The following TRIM77 variants were observed in gnomAD, a reference collection of about 807,000 sequenced individuals.
TRIM77 encodes the protein tripartite motif-containing protein 77.
Under a neutral mutation model 31.8 loss-of-function variants are expected in TRIM77, and 23 were observed. The ratio of observed to expected loss-of-function variants is 0.72; its 90% CI spans 0.52 to 1.02. The LOEUF is 1.02. Ranked by LOEUF, TRIM77 falls within the 50% of genes least tolerant of loss-of-function variation. TRIM77 has a pLI of 0.00. For synonymous variants in TRIM77, 159 were observed against 183.1 expected, an observed-to-expected ratio of 0.87 and a Z score of 1.06; for missense variants, 446 against 539.2, an observed-to-expected ratio of 0.83 and a Z score of 1.71.
At chr11:89,716,429 C>G (rs1949161470) in intron 5 of TRIM77, among the ~76,000 whole-genome samples, 1 of 152,022 alleles carries the variant, frequency 6.6e-6, no homozygotes, top group Admixed American at 6.6e-5. Context: ...TTTGAAAAAC[C>G]ACAGGATTCT....
At chr11:89,716,862 G>A (rs10765236) in intron 5 of TRIM77, among the ~76,000 whole-genome samples, 46,840 of 151,568 alleles carry the variant, frequency 0.31, 7,636 homozygotes, top group Middle Eastern at 0.4. Flanking sequence ...TTTATTTTGC[G>A]AAAATTGGTT....
Position 89,717,363 on chromosome 11 carries a change from T to C in TRIM77, c.860-16T>C. ...TTAAACTGTTTTTTTGCATTCACTG[T>C]TTTCTTTTGCCATAGTGTATATCAC... On this transcript the variant is annotated splice_polypyrimidine_tract_variant and intron_variant, in intron 5 of 5. Transcript: ENST00000398290. The C allele has an allele frequency of 1.3e-6, 2 of 1,516,114 alleles. No individual in the cohort carries two copies. Among genetic ancestry groups the C allele is most frequent in the South Asian group, 2.5e-5 (2 of 78,686 alleles). The allele number at this position is 1,516,114 out of a possible 1,614,324, so 93.9% of individuals were successfully genotyped here.
rs1429622960 is a variant in TRIM77 at position 89,717,547 on chromosome 11, G to A, written c.1028G>A (p.Trp343Ter). The A allele has an allele frequency of 1.7e-5, 26 of 1,551,398 alleles. No homozygotes were observed. Among genetic ancestry groups the A allele is most frequent in the Non-Finnish European group, 2.3e-5 (26 of 1,146,900 alleles). ...ATCCTCAGCTCTGGCAAACATTACT[G>A]GGAGGTGGATGTGAAAGACTCTTGT... ...AQILSSGKHYWEVDVKDSCNW... is the reference protein window; with the variant it reads ...AQILSSGKHY Residue 343 changes from tryptophan (W) to a stop codon, truncating the protein, a stop_gained, in exon 6 of 6, where the codon TGG becomes TAG. Coordinates refer to ENST00000398290, the MANE Select transcript of TRIM77 (RefSeq NM_001146162.1). LOFTEE classifies it low-confidence loss of function (END_TRUNC).
chr11:89,717,651 C>T lies in TRIM77; in HGVS notation c.1132C>T (p.Leu378Phe), dbSNP rs1949171812. 1 of 1,551,160 alleles carries T rather than the reference C, an allele frequency of 6.4e-7. No individual in the cohort carries two copies. The highest frequency in any genetic ancestry group is 1.4e-5 in the African/African-American group (1 of 72,994). ...ACTTGACTCTGAGGGTATCTTTCTACTCCTGTGTCTCAAAGTGGATGACCA... is the reference window on the plus strand; with the variant it reads ...ACTTGACTCTGAGGGTATCTTTCTATTCCTGTGTCTCAAAGTGGATGACCA... ...MRLDSEGIFL[L>F]LCLKVDDHFS... The change falls in exon 6 of 6, where the codon CTC (leucine) becomes TTC (phenylalanine). Residue 378 changes from leucine (L) to phenylalanine (F), a missense_variant. Physicochemically the swap from Leu to Phe is conservative, Grantham distance 22. This residue lies in a region of TRIM77 where 366 missense variants were observed against 447.9 expected (regional missense o/e 0.82). Transcript: ENST00000398290.
intron 1 of TRIM77, 69 bp from the exon 2 acceptor site, chr11:89,711,341 C>A (rs1949120746): frequency 2.6e-6 from 2 of 780,650 alleles, no homozygotes; most frequent in Middle Eastern, 2.7e-4. Flanking sequence ...GTCTGTACCT[C>A]TTTTGGTAGT....
chr11:89,714,792 C>G (rs1456605095), intron 3 of TRIM77, among the ~76,000 whole-genome samples: 1 of 152,162 alleles, frequency 6.6e-6, no homozygotes, highest in African/African-American at 2.4e-5. Flanking sequence ...AATTTATTTA[C>G]TCTTTTAGTT....
chr11:89,715,850 T>C, intron 4 of TRIM77, 40 bp from the exon 5 acceptor site: 1 of 1,375,542 alleles, frequency 7.3e-7, no homozygotes, highest in Non-Finnish European at 1.0e-6. Flanking sequence ...TAATGATTCC[T>C]TTGGGACTGG....
chr11:89,715,889 G>A lies in TRIM77; in HGVS notation c.762-1G>A, dbSNP rs1206225901. 6.6e-7 allele frequency: 1 copy of A among 1,525,018 alleles called. No individual in the cohort carries two copies. Among genetic ancestry groups the A allele is most frequent in the Non-Finnish European group, 8.9e-7 (1 of 1,127,346 alleles). The allele number at this position is 1,525,018 out of a possible 1,614,324, so 94.5% of individuals were successfully genotyped here. On this transcript the variant is annotated splice_acceptor_variant, in intron 4 of 5. Coordinates refer to ENST00000398290, the MANE Select transcript of TRIM77 (RefSeq NM_001146162.1). LOFTEE classifies it high-confidence loss of function. ...TTAAAAGTAGGTATTTTTCTTTGCA[G>A]GAATGAGTTTCTGAGGCTGGCCATG...
intron 5 of TRIM77, among the ~76,000 whole-genome samples, chr11:89,717,112 G>A (rs1223955361): frequency 7.2e-5 from 11 of 152,114 alleles, no homozygotes; most frequent in African/African-American, 2.7e-4. Flanking sequence ...TATGCCACTC[G>A]TGATAGAGTG....
intron 3 of TRIM77, 61 bp downstream of exon 3, chr11:89,714,483 G>C: frequency 8.9e-7 from 1 of 1,120,574 alleles, no homozygotes; most frequent in Non-Finnish European, 1.3e-6. Flanking sequence ...GTATCTGCTA[G>C]AGTCTATATC....
intron 4 of TRIM77, among the ~76,000 whole-genome samples, 182 bp from the exon 5 acceptor site, chr11:89,715,708 A>C (rs2134547277): frequency 6.6e-6 from 1 of 152,356 alleles, no homozygotes; most frequent in African/African-American, 2.4e-5. Context: ...TTACTGTCAT[A>C]GAGGTATTAA....
In TRIM77 at chr11:89,717,644, C is replaced by T. The variant is rs539357052; in HGVS notation, c.1125C>T (p.Ile375=). ...ACATGCGACTTGACTCTGAGGGTAT[C>T]TTTCTACTCCTGTGTCTCAAAGTGG... ...RNDMRLDSEG[I]FLLLCLKVDD... The change falls in exon 6 of 6, where the codon ATC becomes ATT. Residue 375 remains isoleucine (I), a synonymous_variant. Coordinates refer to ENST00000398290, the MANE Select transcript of TRIM77 (RefSeq NM_001146162.1). The T allele has an allele frequency of 1.3e-6, 2 of 1,551,314 alleles. No individual in the cohort carries two copies. Among genetic ancestry groups the T allele is most frequent in the Admixed American group, 3.9e-5 (2 of 50,978 alleles).
At chr11:89,712,403 A>G (rs1002363746) in intron 2 of TRIM77, among the ~76,000 whole-genome samples, 6 of 152,188 alleles carry the variant, frequency 3.9e-5, no homozygotes, top group South Asian at 2.1e-4. Flanking sequence ...TTACCCTAGG[A>G]GTCTATAATC....
At chr11:89,716,014 T>C in intron 5 of TRIM77, 27 bp downstream of exon 5, 3 of 1,405,720 alleles carry the variant, frequency 2.1e-6, no homozygotes, top group Non-Finnish European at 2.9e-6. Flanking sequence ...CACTAATGTT[T>C]CCAACGTAAG....
intron 5 of TRIM77, among the ~76,000 whole-genome samples, chr11:89,716,478 C>T (rs1949161690): frequency 6.6e-6 from 1 of 152,132 alleles, no homozygotes; most frequent in African/African-American, 2.4e-5. Context: ...ATAGGTACAA[C>T]CACAAAGCAG....
chr11:89,710,319 G>C lies in TRIM77; in HGVS notation c.21G>C (p.Gln7His). 6.5e-7 allele frequency: 1 copy of C among 1,532,368 alleles called. No individual in the cohort carries two copies. Among genetic ancestry groups the C allele is most frequent in the Non-Finnish European group, 8.8e-7 (1 of 1,130,950 alleles). 94.9% of individuals were successfully genotyped at this position (1,532,368 alleles called of 1,614,324 possible). A position where few individuals can be genotyped will look rare whatever the true frequency, so the allele number is the denominator to read the frequency against. Residue 7 changes from glutamine (Q) to histidine (H), a missense_variant, in exon 1 of 6, where the codon CAG becomes CAC. Transcript: ENST00000398290. The stretch of plus-strand genomic sequence containing the variant: ...GAAACATGGCTTCTGCTATCACGCA[G>C]TGTTCTACCAGTGAGCTCACCTGCT... Reference protein sequence around the residue: MASAITQCSTSELTCSI... With the variant: MASAITHCSTSELTCSI...
intron 2 of TRIM77, among the ~76,000 whole-genome samples, chr11:89,712,997 G>T (rs575370936): frequency 3.9e-5 from 6 of 152,206 alleles, no homozygotes; most frequent in Non-Finnish European, 7.4e-5. Flanking sequence ...ATTGAGGTCC[G>T]GCGCGATGGC....
At position 89,717,478 on chromosome 11, in the gene TRIM77, G is replaced by A. The variant is rs752457090; in HGVS notation, c.959G>A (p.Cys320Tyr). 1.3e-6 allele frequency: 2 copies of A among 1,551,540 alleles called. No homozygotes were observed. Among genetic ancestry groups the A allele is most frequent in the Non-Finnish European group, 1.7e-6 (2 of 1,146,914 alleles). ...AGCCTTGATGATACAGACATGTCCT[G>A]TAATCCAACAAGTACACAGTATACT... The part of the protein sequence containing the change: ...QCSLDDTDMS[C>Y]NPTSTQYTSS... Residue 320 changes from cysteine to tyrosine, a missense_variant, in exon 6 of 6, where the codon TGT (cysteine) becomes TAT (tyrosine). Physicochemically the swap from Cys to Tyr is radical, Grantham distance 194. This residue lies in a region of TRIM77 where 366 missense variants were observed against 447.9 expected (regional missense o/e 0.82). Transcript: ENST00000398290.
chr11:89,713,783 A>G (rs1591484846), intron 2 of TRIM77, among the ~76,000 whole-genome samples: 1 of 152,248 alleles, frequency 6.6e-6, no homozygotes, highest in South Asian at 2.1e-4. Flanking sequence ...GTGTTTTGGA[A>G]ATGGAAGTAA....
Sources: allele counts gnomAD v4.1 joint callset (sites outside exome capture counted in the v4.1 genomes callset), GRCh38; gene constraint gnomAD v4.1.1; regional missense constraint gnomAD v4.1.1; transcripts MANE v1.5; gene names NCBI Gene and HGNC (gene_info 2026-07-23, HGNC 2026-07-21).